FKTN: variants seen among roughly 807,000 people sequenced by gnomAD.
FKTN encodes ribitol-5-phosphate transferase FKTN.
FKTN carries 47 observed loss-of-function variants against 58.6 expected under a neutral mutation model. The observed-to-expected ratio is 0.80, with a 90% CI of 0.63 to 1.02. FKTN has a LOEUF of 1.02. Ranked by LOEUF, FKTN falls within the 50% of genes least tolerant of loss-of-function variation. FKTN has a pLI of 0.00. For synonymous variants in FKTN, 178 were observed against 191.9 expected, an observed-to-expected ratio of 0.93 and a Z score of 0.60; for missense variants, 516 against 537.3, an observed-to-expected ratio of 0.96 and a Z score of 0.39.
intron 1 of FKTN, among the ~76,000 whole-genome samples, chr9:105,559,556 C>T (rs897787929): frequency 1.8e-4 from 28 of 151,836 alleles, no homozygotes; most frequent in Non-Finnish European, 1.2e-4. Flanking sequence ...TGGTGGCGGG[C>T]GCCTGTAATC....
In FKTN at chr9:105,604,320, C is replaced by A. The variant is rs755830677; in HGVS notation, c.475C>A (p.Pro159Thr). 6.2e-7 allele frequency: 1 copy of A among 1,613,922 alleles called. No individual in the cohort carries two copies. ...AGACTCACTCTCTGGAACTGAAATC[C>A]CCCTGCACTATATCTGCAAACTGGC... ...GIDSLSGTEI[P>T]LHYICKLATH... is the part of the protein sequence containing the mutation. Residue 159 changes from proline (P) to threonine (T), a missense_variant, in exon 6 of 11, where the codon CCC becomes ACC. Coordinates refer to ENST00000357998, the MANE Select transcript of FKTN (RefSeq NM_001079802.2).
rs1834135705 is a variant in FKTN at position 105,637,613 on chromosome 9, T to A, written c.*2349T>A. ...ATCTTCAGTACCTCATTGGATCACT[T>A]TTCTTTCATCACTTGAGTATTCTAG... On this transcript the variant is annotated 3_prime_UTR_variant, in exon 11 of 11. Transcript: ENST00000357998. 1.0e-6 allele frequency: 1 copy of A among 985,352 alleles called. No homozygotes were observed. The highest frequency in any genetic ancestry group is 1.7e-5 in the African/African-American group (1 of 57,242). 61.0% of individuals were successfully genotyped at this position (985,352 alleles called of 1,614,324 possible).
Position 105,615,284 on chromosome 9 carries a change from C to G in FKTN, c.787C>G (p.Leu263Val), listed in dbSNP as rs770440134. The G allele has an allele frequency of 2.5e-6, 4 of 1,613,820 alleles. No homozygotes were observed. The highest frequency in any genetic ancestry group is 3.4e-6 in the Non-Finnish European group (4 of 1,179,826). The change falls in exon 8 of 11, where the codon CTT (leucine) becomes GTT (valine). Residue 263 changes from leucine to valine, a missense_variant. Coordinates refer to ENST00000357998, the MANE Select transcript of FKTN (RefSeq NM_001079802.2). ...CTATTTATTATATCTGTAGCAGTAC[C>G]TTGATGATAACACTGTGGAAGCTGT... The part of the protein sequence containing the change: ...KEARAFFQQY[L>V]DDNTVEAVAF...
At chr9:105,564,699 A>C (rs1021917923) in intron 1 of FKTN, among the ~76,000 whole-genome samples, 4 of 152,234 alleles carry the variant, frequency 2.6e-5, no homozygotes, top group Non-Finnish European at 5.9e-5. Context: ...GACAGGGAGA[A>C]TGGAACCAAG....
chr9:105,567,326 G>A (rs1367101850), intron 1 of FKTN, among the ~76,000 whole-genome samples: 1 of 152,132 alleles, frequency 6.6e-6, no homozygotes, highest in Non-Finnish European at 1.5e-5. Flanking sequence ...AGAAATAAAA[G>A]ATATTTAGTT....
intron 3 of FKTN, among the ~76,000 whole-genome samples, chr9:105,581,167 C>T (rs897650332): frequency 1.3e-5 from 2 of 149,684 alleles, no homozygotes; most frequent in South Asian, 2.1e-4. Flanking sequence ...TCTCTCAGCT[C>T]GTCAAAGTCA....
In FKTN at chr9:105,574,987, C is replaced by T. The variant is rs771143609; in HGVS notation, c.-46C>T. On this transcript the variant is annotated 5_prime_UTR_variant, in exon 3 of 11. It adds an upstream start codon to the 5' untranslated region. Coordinates refer to ENST00000357998, the MANE Select transcript of FKTN (RefSeq NM_001079802.2). Reference sequence around the variant, plus strand: ...CTTTCCAAATCCAAAAAGATGAAAACGACTGAGATACTTTCAAAAGACAAC... The same window carrying T: ...CTTTCCAAATCCAAAAAGATGAAAATGACTGAGATACTTTCAAAAGACAAC... 1.5e-5 allele frequency: 15 copies of T among 1,008,978 alleles called. No homozygotes were observed. In the South Asian group the frequency reaches 1.8e-4, roughly 12 times the overall value. The allele number at this position is 1,008,978 out of a possible 1,614,324, so 62.5% of individuals were successfully genotyped here.
chr9:105,639,271 A>G lies in FKTN; in HGVS notation c.*4007A>G, dbSNP rs950570219. The G allele has an allele frequency of 2.0e-6, 2 of 985,266 alleles. No individual in the cohort carries two copies. Among genetic ancestry groups the G allele is most frequent in the Non-Finnish European group, 2.4e-6 (2 of 829,902 alleles). The allele number at this position is 985,266 out of a possible 1,614,324, so 61.0% of individuals were successfully genotyped here. A position where few individuals can be genotyped will look rare whatever the true frequency, so the allele number is the denominator to read the frequency against. Reference sequence around the variant, plus strand: ...TTCCTCCTTGTCTTCCACTATCATTAAGACCTGGGCTAGATCACCTCTAAC... The same window carrying G: ...TTCCTCCTTGTCTTCCACTATCATTGAGACCTGGGCTAGATCACCTCTAAC... On this transcript the variant is annotated 3_prime_UTR_variant, in exon 11 of 11. Transcript: ENST00000357998.
intron 3 of FKTN, among the ~76,000 whole-genome samples, chr9:105,582,032 C>T (rs558174600): frequency 1.7e-4 from 26 of 152,246 alleles, no homozygotes; most frequent in Middle Eastern, 6.8e-3. Flanking sequence ...GGCTCGCGCA[C>T]GGTGCGCGCA....
At chr9:105,563,969 T>C (rs952048107) in intron 1 of FKTN, among the ~76,000 whole-genome samples, 2 of 152,198 alleles carry the variant, frequency 1.3e-5, no homozygotes, top group Non-Finnish European at 2.9e-5. Context: ...AGAGGAACGA[T>C]CAGGCAGCAA....
At chr9:105,576,999 AC>A (rs1184461335) in intron 3 of FKTN, among the ~76,000 whole-genome samples, 2 of 103,296 alleles carry the variant, frequency 1.9e-5, no homozygotes, top group African/African-American at 8.3e-5. Flanking sequence ...TCCTTCGCCC[AC>A]TTTTTGATGG....
chr9:105,585,043 T>C (rs1843663339), intron 3 of FKTN, among the ~76,000 whole-genome samples: 1 of 152,156 alleles, frequency 6.6e-6, no homozygotes, highest in African/African-American at 2.4e-5. Context: ...AGAGTATAGA[T>C]GCTTCCTGTA....
chr9:105,571,261 A>G (rs1354261509), intron 1 of FKTN, among the ~76,000 whole-genome samples: 1 of 152,150 alleles, frequency 6.6e-6, no homozygotes, highest in African/African-American at 2.4e-5. Flanking sequence ...TTGATGCAAG[A>G]GGTATTTTAA....
chr9:105,577,414 A>G (rs200753463), intron 3 of FKTN, among the ~76,000 whole-genome samples: 17,885 of 142,148 alleles, frequency 0.13, 1,467 homozygotes, highest in East Asian at 0.45. Flanking sequence ...AGCACCATTT[A>G]TTAAATAGGG....
rs1390537537 is a variant in FKTN at position 105,573,700 on chromosome 9, T to A, written c.-135T>A. 1 of 152,120 alleles carries A rather than the reference T, an allele frequency of 6.6e-6. No homozygotes were observed. Among genetic ancestry groups the A allele is most frequent in the Non-Finnish European group, 1.5e-5 (1 of 68,010 alleles). 9.4% of individuals were successfully genotyped at this position (152,120 alleles called of 1,614,324 possible). On this transcript the variant is annotated 5_prime_UTR_variant, in exon 2 of 11. Coordinates refer to ENST00000357998, the MANE Select transcript of FKTN (RefSeq NM_001079802.2). ...ATGAGGAAAAACTAACATACGGTCA[T>A]CAACATCCTTGTATAACCTAGTTTT...
intron 5 of FKTN, among the ~76,000 whole-genome samples, chr9:105,603,431 A>G (rs1415449153): frequency 1.3e-5 from 2 of 152,222 alleles, no homozygotes; most frequent in Non-Finnish European, 2.9e-5. Flanking sequence ...AATGATTTGC[A>G]TTATGATGGT....
chr9:105,622,458 T>G (rs965718204), intron 10 of FKTN, among the ~76,000 whole-genome samples: 3 of 151,902 alleles, frequency 2.0e-5, no homozygotes, highest in Non-Finnish European at 4.4e-5. Context: ...ATAAAAAAGA[T>G]AAAGCTTCCA....
chr9:105,568,736 C>T (rs1840166899), intron 1 of FKTN, among the ~76,000 whole-genome samples: 1 of 152,184 alleles, frequency 6.6e-6, no homozygotes, highest in Non-Finnish European at 1.5e-5. Context: ...TGTGGCGATT[C>T]CTCTGGGATC....
intron 8 of FKTN, among the ~76,000 whole-genome samples, chr9:105,615,889 C>A (rs1489285110): frequency 6.6e-6 from 1 of 152,146 alleles, no homozygotes; most frequent in Non-Finnish European, 1.5e-5. Flanking sequence ...TGTGTGATCT[C>A]TGTCTCTCAG....
Sources: allele counts gnomAD v4.1 joint callset (sites outside exome capture counted in the v4.1 genomes callset), GRCh38; gene constraint gnomAD v4.1.1; transcripts MANE v1.5; gene names NCBI Gene and HGNC (gene_info 2026-07-23, HGNC 2026-07-21).